The following ATL1 variants were observed in gnomAD, a reference collection of about 807,000 sequenced individuals.
ATL1 encodes atlastin-1.
Under a neutral mutation model 75.5 loss-of-function variants are expected in ATL1, and 31 were observed. The observed-to-expected ratio is 0.41, with a 90% CI of 0.31 to 0.55. The LOEUF is 0.55. ATL1 is among the 20% of genes least tolerant of loss of function. The pLI, the probability that ATL1 is intolerant of heterozygous loss-of-function variation, is 0.27. For missense variants in ATL1, 405 were observed against 662.6 expected (o/e 0.61, Z 4.27); for synonymous variants, 226 against 233.3 (o/e 0.97, Z 0.28).
intron 11 of ATL1, 134 bp downstream of exon 11, chr14:50,623,382 C>A: frequency 2.9e-6 from 2 of 678,354 alleles, no homozygotes; most frequent in Non-Finnish European, 5.2e-6. Flanking sequence ...CAGCCTGTAT[C>A]ACGTCTATTT....
chr14:50,627,529 C>T (rs2039533307), intron 11 of ATL1, among the ~76,000 whole-genome samples: 2 of 152,138 alleles, frequency 1.3e-5, no homozygotes, highest in African/African-American at 4.8e-5. Context: ...GAAGAAAATA[C>T]TCAATTGGCT....
rs528975234 is a variant in ATL1, at chr14:50,547,699, G to T, written c.-139-12428G>T. Among the ~76,000 whole-genome samples the T allele has an allele frequency of 4.7e-4, 71 of 152,240 alleles. 2 individuals carry two copies. In the South Asian group the frequency reaches 0.014, roughly 30 times the overall value. ...TAGACTACCATGAGCTAAATGAGGT[G>T]GTGCTGCTTGTATCTGCTGCCGTAC... On this transcript the variant is annotated intron_variant, in intron 1 of 13. Coordinates refer to the ATL1 transcript ENST00000441560.
At chr14:50,613,498 T>A in intron 7 of ATL1, 147 bp downstream of exon 7, 1 of 685,552 alleles carries the variant, frequency 1.5e-6, no homozygotes, top group East Asian at 2.7e-5. Flanking sequence ...ATTCTTTGTA[T>A]ATATCTATAA....
chr14:50,586,038 A>G (rs1443095831), intron 1 of ATL1, among the ~76,000 whole-genome samples: 2 of 152,190 alleles, frequency 1.3e-5, no homozygotes, highest in Non-Finnish European at 2.9e-5. Flanking sequence ...AAAGTTATCA[A>G]TGTGATATAT....
intron 9 of ATL1, among the ~76,000 whole-genome samples, 185 bp downstream of exon 9, chr14:50,620,911 A>G (rs2039461639): frequency 1.3e-5 from 2 of 152,210 alleles, no homozygotes; most frequent in Non-Finnish European, 2.9e-5. Flanking sequence ...ACTTTCTGAA[A>G]TTATTCTTTT....
chr14:50,598,330 G>T (rs2140212660), intron 6 of ATL1, among the ~76,000 whole-genome samples: 1 of 152,062 alleles, frequency 6.6e-6, no homozygotes, highest in African/African-American at 2.4e-5. Flanking sequence ...GTCTTGTTTT[G>T]ATTTAAGAGT....
At chr14:50,555,657 T>C (rs1392129484), upstream of ATL1, among the ~76,000 whole-genome samples, 1 of 152,196 alleles carries the variant, frequency 6.6e-6, no homozygotes, top group East Asian at 1.9e-4. Flanking sequence ...AAGACCAAAA[T>C]AAATATTTGT....
At chr14:50,609,006 C>G (rs1341814039) in intron 6 of ATL1, among the ~76,000 whole-genome samples, 1 of 151,914 alleles carries the variant, frequency 6.6e-6, no homozygotes, top group Non-Finnish European at 1.5e-5. Flanking sequence ...AGGAGAGGCT[C>G]CATCTTATGG....
intron 1 of ATL1, among the ~76,000 whole-genome samples, chr14:50,535,857 G>T (rs2038484649): frequency 6.6e-6 from 1 of 152,162 alleles, no homozygotes; most frequent in South Asian, 2.1e-4. Context: ...ACGTGTTGTG[G>T]GAGGGACCAG....
At position 50,620,876 on chromosome 14, in the gene ATL1, T is replaced by C. The variant is rs1343846927; in HGVS notation, c.990+150T>C. Reference sequence around the variant, plus strand: ...ATTTTAAAAATCCTTTCTAAAAAGCTTTTTCAAAACCTTTCAGAAAGCTTA... The same window carrying C: ...ATTTTAAAAATCCTTTCTAAAAAGCCTTTTCAAAACCTTTCAGAAAGCTTA... On this transcript the variant is annotated intron_variant, in intron 9 of 13. Transcript: ENST00000358385. The C allele has an allele frequency of 4.2e-6, 4 of 950,816 alleles. No individual in the cohort carries two copies. The African/African-American group carries it at 5.0e-5, about 12-fold the overall frequency. 58.9% of individuals were successfully genotyped at this position (950,816 alleles called of 1,614,324 possible). A position where few individuals can be genotyped will look rare whatever the true frequency, so the allele number is the denominator to read the frequency against.
chr14:50,538,590 C>G (rs113293293), intron 1 of ATL1, among the ~76,000 whole-genome samples: 5,670 of 152,194 alleles, frequency 0.037, 101 homozygotes, highest in Middle Eastern at 0.058. Context: ...AAAAGGGTGC[C>G]CAAAGTTTGC....
intron 12 of ATL1, among the ~76,000 whole-genome samples, chr14:50,629,408 C>G (rs963279077): frequency 6.6e-6 from 1 of 151,884 alleles, no homozygotes; most frequent in Admixed American, 6.6e-5. Context: ...ATGGAGAAAC[C>G]CCGTCTCTAC....
intron 1 of ATL1, among the ~76,000 whole-genome samples, chr14:50,545,129 A>G (rs1053120708): frequency 9.2e-5 from 14 of 152,126 alleles, no homozygotes; most frequent in African/African-American, 3.4e-4. Context: ...ACCTACTAAG[A>G]AAAACAGTCT....
At chr14:50,564,419 G>T (rs1423714440) in intron 1 of ATL1, among the ~76,000 whole-genome samples, 2 of 152,010 alleles carry the variant, frequency 1.3e-5, no homozygotes, top group Non-Finnish European at 2.9e-5. Flanking sequence ...GGAAGCTAAG[G>T]CGGGCAGATC....
intron 11 of ATL1, among the ~76,000 whole-genome samples, chr14:50,624,500 A>C (rs1413696238): frequency 6.6e-6 from 1 of 152,050 alleles, no homozygotes; most frequent in Non-Finnish European, 1.5e-5. Context: ...TGACTGCTCC[A>C]TCAACCAGCA....
chr14:50,560,118 T>C (rs199585031), upstream of ATL1: 1 of 904,922 alleles, frequency 1.1e-6, no homozygotes, highest in South Asian at 1.5e-5. Context: ...CCCCACTCCT[T>C]CCCACCAGCG....
rs760198593 is a variant in ATL1, at chr14:50,628,323, A to G, written c.1412A>G (p.Asp471Gly). Reference sequence around the variant, plus strand: ...GGTGTGACTGGATTCATTGGTTTGGACATCATAGCTAGCCTATGCAATATG... The same window carrying G: ...GGTGTGACTGGATTCATTGGTTTGGGCATCATAGCTAGCCTATGCAATATG... The part of the protein sequence containing the change: ...IAGVTGFIGL[D>G]IIASLCNMIM... The change falls in exon 12 of 14, where the codon GAC becomes GGC. Residue 471 changes from aspartate to glycine, a missense_variant. This residue lies in a region of ATL1 where 163 missense variants were observed against 244.1 expected (regional missense o/e 0.67). Transcript: ENST00000358385. 6.2e-7 allele frequency: 1 copy of G among 1,614,158 alleles called. No homozygotes were observed. The highest frequency in any genetic ancestry group is 8.5e-7 in the Non-Finnish European group (1 of 1,180,036).
At chr14:50,608,643 T>A (rs2039336454) in intron 6 of ATL1, among the ~76,000 whole-genome samples, 1 of 152,114 alleles carries the variant, frequency 6.6e-6, no homozygotes, top group East Asian at 1.9e-4. Flanking sequence ...ATGGTCCTCA[T>A]TATTTTGAAT....
intron 1 of ATL1, among the ~76,000 whole-genome samples, chr14:50,576,694 G>C (rs528320584): frequency 3.0e-4 from 46 of 152,240 alleles, no homozygotes; most frequent in Middle Eastern, 6.8e-3. Context: ...TTCTACCTCA[G>C]CCTCCTGAGT....
Sources: allele counts gnomAD v4.1 joint callset (sites outside exome capture counted in the v4.1 genomes callset), GRCh38; gene constraint gnomAD v4.1.1; regional missense constraint gnomAD v4.1.1; transcripts MANE v1.5; gene names NCBI Gene and HGNC (gene_info 2026-07-23, HGNC 2026-07-21).